Variants in PCK2 observed in about 807,000 individuals in gnomAD.
The protein encoded by PCK2 is phosphoenolpyruvate carboxykinase 2, mitochondrial.
Under a neutral mutation model 65.9 loss-of-function variants are expected in PCK2, and 56 were observed. The observed-to-expected ratio is 0.85, with a 90% CI of 0.69 to 1.06. PCK2 has a LOEUF of 1.06. Among genes scored for constraint, PCK2 ranks in the 50% least tolerant of loss-of-function variants. The pLI, the probability that PCK2 is intolerant of heterozygous loss-of-function variation, is 0.00. For synonymous variants in PCK2, 305 were observed against 319.6 expected (o/e 0.95, Z 0.49); for missense variants, 843 against 863.1 (o/e 0.98, Z 0.29).
At chr14:24,095,295 G>C (rs2036819195) in intron 1 of PCK2, 1 of 451,672 alleles carries the variant, frequency 2.2e-6, no homozygotes, top group African/African-American at 2.0e-5. Context: ...CCAGGCTCCA[G>C]GGAGAGAGAG....
Position 24,098,550 on chromosome 14 carries a change from C to G in PCK2, c.536C>G (p.Thr179Ser). The G allele has an allele frequency of 6.2e-7, 1 of 1,614,228 alleles. No homozygotes were observed. The highest frequency in any genetic ancestry group is 8.5e-7 in the Non-Finnish European group (1 of 1,180,038). The stretch of plus-strand genomic sequence containing the variant: ...CTGTCCCGCATCGGGGTGCAGCTCA[C>G]TGACTCAGCCTATGTGGTGGCAAGC... ...SPLSRIGVQL[T>S]DSAYVVASMR... The change falls in exon 4 of 10, where the codon ACT (threonine) becomes AGT (serine). Residue 179 changes from threonine (T) to serine (S), a missense_variant. Physicochemically the swap from Thr to Ser is moderately conservative, Grantham distance 58. Transcript: ENST00000216780.
At chr14:24,103,114 G>T in intron 8 of PCK2, 46 bp from the exon 9 acceptor site, 1 of 1,474,686 alleles carries the variant, frequency 6.8e-7, no homozygotes, top group Non-Finnish European at 9.5e-7. Flanking sequence ...TGGAGTTAGG[G>T]TCCAAAGAAA....
Position 24,099,132 on chromosome 14 carries a change from G to T in PCK2, c.748G>T (p.Gly250Cys), listed in dbSNP as rs201974284. Residue 250 changes from glycine to cysteine, a missense_variant, in exon 5 of 10, where the codon GGC becomes TGC. Gly to Cys is a radical substitution (Grantham distance 159, BLOSUM62 -3). Transcript: ENST00000216780. ...VPDQREIISFGSGYGGNSLLG... is the reference protein window; with the variant it reads ...VPDQREIISFCSGYGGNSLLG... Reference sequence around the variant, plus strand: ...CGACCAGCGGGAGATCATCTCCTTCGGCAGCGGCTATGGTGGCAACTCCCT... The same window carrying T: ...CGACCAGCGGGAGATCATCTCCTTCTGCAGCGGCTATGGTGGCAACTCCCT... 11 of 1,612,224 alleles carry T rather than the reference G, an allele frequency of 6.8e-6. No homozygotes were observed. The highest frequency in any genetic ancestry group is 1.3e-5 in the African/African-American group (1 of 75,068).
intron 2 of PCK2, among the ~76,000 whole-genome samples, chr14:24,097,572 A>G (rs1435283803): frequency 7.6e-6 from 1 of 131,570 alleles, no homozygotes; most frequent in Non-Finnish European, 1.6e-5. Flanking sequence ...CTCAAAAAAA[A>G]AAAAGAAAGA....
rs2037007371 is a variant in PCK2, at chr14:24,098,563, T to C, written c.549T>C (p.Tyr183=). The change falls in exon 4 of 10, where the codon TAT becomes TAC. Residue 183 remains tyrosine, a synonymous_variant. Coordinates refer to ENST00000216780, the MANE Select transcript of PCK2 (RefSeq NM_004563.4). ...GGGTGCAGCTCACTGACTCAGCCTATGTGGTGGCAAGCATGCGTATTATGA... is the reference window on the plus strand; with the variant it reads ...GGGTGCAGCTCACTGACTCAGCCTACGTGGTGGCAAGCATGCGTATTATGA... The part of the protein sequence containing the change: ...RIGVQLTDSA[Y]VVASMRIMTR... The C allele has an allele frequency of 3.1e-6, 5 of 1,614,022 alleles. No individual in the cohort carries two copies. Among genetic ancestry groups the C allele is most frequent in the Non-Finnish European group, 4.2e-6 (5 of 1,180,018 alleles).
intron 7 of PCK2, 80 bp from the exon 8 acceptor site, chr14:24,102,673 C>G: frequency 8.1e-7 from 1 of 1,230,470 alleles, no homozygotes; most frequent in Admixed American, 2.1e-5. Flanking sequence ...AAGAACCCTG[C>G]AAGAATGTGT....
chr14:24,099,997 C>G lies in PCK2; in HGVS notation c.1018C>G (p.Arg340Gly), dbSNP rs373164648. The G allele has an allele frequency of 3.7e-6, 6 of 1,614,090 alleles. No homozygotes were observed. The Admixed American group carries it at 1.0e-4, about 27-fold the overall frequency. ...IAWMRFDSEG[R>G]LRAINPENGF... The stretch of plus-strand genomic sequence containing the variant: ...CTTTCTTTCACTTCTCCTAACAGGT[C>G]GACTCCGGGCCATCAACCCTGAGAA... Residue 340 changes from arginine (R) to glycine (G), a missense_variant and splice_region_variant, in exon 7 of 10, where the codon CGA (arginine) becomes GGA (glycine). Arg to Gly is a moderately radical substitution (Grantham distance 125). Coordinates refer to ENST00000216780, the MANE Select transcript of PCK2 (RefSeq NM_004563.4).
chr14:24,103,477 G>A, intron 9 of PCK2, 33 bp from the exon 10 acceptor site: 3 of 1,521,204 alleles, frequency 2.0e-6, no homozygotes, highest in Non-Finnish European at 2.7e-6. Context: ...CAGTGAGAAG[G>A]AAGATTCCTT....
chr14:24,096,733 C>CATCCCACACACCAA (rs1403109851), intron 1 of PCK2, among the ~76,000 whole-genome samples, 159 bp from the exon 2 acceptor site: 4 of 152,172 alleles, frequency 2.6e-5, no homozygotes, highest in African/African-American at 9.7e-5. Context: ...ATACATGTGT[C>CATCCCACACACCAA]CTGAACACAT....
chr14:24,103,696 C>A lies in PCK2; in HGVS notation c.1655C>A (p.Ala552Asp), dbSNP rs1433174539. 4 of 1,614,062 alleles carry A rather than the reference C, an allele frequency of 2.5e-6. No homozygotes were observed. Among genetic ancestry groups the A allele is most frequent in the Non-Finnish European group, 2.5e-6 (3 of 1,180,022 alleles). The change falls in exon 10 of 10, where the codon GCT (alanine) becomes GAT (aspartate). Residue 552 changes from alanine to aspartate, a missense_variant. By Grantham distance (126) the Ala-to-Asp change is moderately radical. Transcript: ENST00000216780. ...HFLWPGFGEN[A>D]RVLDWICRRL... ...CTGTGGCCAGGCTTTGGGGAGAATGCTCGGGTGCTAGACTGGATCTGCCGG... is the reference window on the plus strand; with the variant it reads ...CTGTGGCCAGGCTTTGGGGAGAATGATCGGGTGCTAGACTGGATCTGCCGG...
Position 24,096,933 on chromosome 14 carries a change from G to A in PCK2, c.71G>A (p.Cys24Tyr). ...CTGAGCCCCTTGGGCTGGCCATCAT[G>A]CCGTAGCATCCAGACCCTGCGAGTG... is the stretch of plus-strand genomic sequence containing the variant. ...HGLSPLGWPS[C>Y]RSIQTLRVLS... The change falls in exon 2 of 10, where the codon TGC (cysteine) becomes TAC (tyrosine). Residue 24 changes from cysteine to tyrosine, a missense_variant. Transcript: ENST00000216780. 1 of 1,613,716 alleles carries A rather than the reference G, an allele frequency of 6.2e-7. No individual in the cohort carries two copies. The highest frequency in any genetic ancestry group is 1.1e-5 in the South Asian group (1 of 91,068).
In PCK2 at chr14:24,094,584, CCGCGCCG is replaced by C. The variant is rs1252813223; in HGVS notation, c.29+155_29+161del. ...GGGCGACTGCTGTGGGTCCAGCCTC[CCGCGCCG>C]CGCGTCTCTTGGGAGGGCAGCCGGC... is the stretch of plus-strand genomic sequence containing the variant. On this transcript the variant is annotated intron_variant, in intron 1 of 9. Transcript: ENST00000216780. The surrounding 1 kb of genome is among the most constrained non-coding windows in gnomAD (Gnocchi z 4.1). 3 of 1,451,294 alleles carry C rather than the reference CCGCGCCG, an allele frequency of 2.1e-6. No individual in the cohort carries two copies. In the African/African-American group the frequency reaches 4.3e-5, roughly 21 times the overall value. The allele number at this position is 1,451,294 out of a possible 1,614,324, so 89.9% of individuals were successfully genotyped here.
chr14:24,098,268 CTT>C lies in PCK2; in HGVS notation c.342_343del (p.Gln116AlafsTer23), dbSNP rs2036986046. The C allele has an allele frequency of 6.2e-7, 1 of 1,613,998 alleles. No individual in the cohort carries two copies. Among genetic ancestry groups the C allele is most frequent in the Admixed American group, 1.7e-5 (1 of 59,976 alleles). On this transcript the variant is annotated frameshift_variant, in exon 3 of 10. Transcript: ENST00000216780. LOFTEE classifies it high-confidence loss of function. The stretch of plus-strand genomic sequence containing the variant: ...GAGAGCAAGACGGTGATTGTAACTC[CTT>C]CTCAGCGGGACACGGTACCACTCCC...
intron 7 of PCK2, 102 bp from the exon 8 acceptor site, chr14:24,102,651 C>CAAAA: frequency 1.1e-6 from 1 of 881,918 alleles, no homozygotes; most frequent in Non-Finnish European, 1.7e-6. Flanking sequence ...GCTGATGAGG[C>CAAAA]AAAAAAAAAA....
At position 24,096,896 on chromosome 14, in the gene PCK2, A is replaced by C; in HGVS notation, c.34A>C (p.Asn12His). 1 of 1,612,760 alleles carries C rather than the reference A, an allele frequency of 6.2e-7. No homozygotes were observed. Among genetic ancestry groups the C allele is most frequent in the Non-Finnish European group, 8.5e-7 (1 of 1,179,534 alleles). ...AALYRPGLRL[N>H]WHGLSPLGWP... ...TTGCCTCTGTTTCTCCTATAGGCTT[A>C]ACTGGCATGGGCTGAGCCCCTTGGG... The change falls in exon 2 of 10, where the codon AAC (asparagine) becomes CAC (histidine). Residue 12 changes from asparagine (N) to histidine (H), a missense_variant. Physicochemically the swap from Asn to His is moderately conservative, Grantham distance 68. Coordinates refer to ENST00000216780, the MANE Select transcript of PCK2 (RefSeq NM_004563.4).
chr14:24,094,214 C>T (rs2036742702), upstream of PCK2: 1 of 586,364 alleles, frequency 1.7e-6, no homozygotes, highest in African/African-American at 2.0e-5. This position sits in a 1 kb window ranked among gnomAD's most constrained non-coding sequence, Gnocchi z 4.1. Context: ...GGGAGCTGGC[C>T]TGCCAGCGGG....
In PCK2 at chr14:24,094,831, G is replaced by A. The variant is rs1178785285; in HGVS notation, c.29+397G>A. 13 of 1,324,444 alleles carry A rather than the reference G, an allele frequency of 9.8e-6. 1 individual carries two copies. The highest frequency in any genetic ancestry group is 4.9e-5 in the South Asian group (4 of 81,312). The allele number at this position is 1,324,444 out of a possible 1,614,324, so 82.0% of individuals were successfully genotyped here. On this transcript the variant is annotated intron_variant, in intron 1 of 9. Coordinates refer to ENST00000216780, the MANE Select transcript of PCK2 (RefSeq NM_004563.4). The surrounding 1 kb of genome is among the most constrained non-coding windows in gnomAD (Gnocchi z 4.1). Reference sequence around the variant, plus strand: ...CCAGGGTACTTCGAGAGGCAGCAGGGCCCTGGGGACAAGGGTACGTGAGCC... The same window carrying A: ...CCAGGGTACTTCGAGAGGCAGCAGGACCCTGGGGACAAGGGTACGTGAGCC...
chr14:24,096,786 CAG>C, intron 1 of PCK2, 104 bp from the exon 2 acceptor site: 1 of 940,720 alleles, frequency 1.1e-6, no homozygotes, highest in Non-Finnish European at 1.7e-6. Context: ...TCCCTGCATG[CAG>C]ACATGTTTTA....
chr14:24,103,293 C>A, intron 9 of PCK2, 38 bp downstream of exon 9: 1 of 1,509,534 alleles, frequency 6.6e-7, no homozygotes, highest in Non-Finnish European at 9.2e-7. Flanking sequence ...CCTGTGTGTG[C>A]ACACAGCACG....
Sources: allele counts gnomAD v4.1 joint callset (sites outside exome capture counted in the v4.1 genomes callset), GRCh38; gene constraint gnomAD v4.1.1; non-coding constraint Gnocchi (gnomAD v3.1); transcripts MANE v1.5; gene names NCBI Gene and HGNC (gene_info 2026-07-23, HGNC 2026-07-21).